CNTNAP5: variants seen among roughly 807,000 people sequenced by gnomAD.
CNTNAP5 encodes contactin associated protein family member 5, also known as contactin-associated protein-like 5.
In CNTNAP5, 72 loss-of-function variants were observed where a neutral mutation model predicts 150.2. The observed-to-expected ratio is 0.48, with a 90% CI of 0.40 to 0.58. CNTNAP5 has a LOEUF of 0.58. Ranked by LOEUF, CNTNAP5 falls within the 20% of genes least tolerant of loss-of-function variation. CNTNAP5 has a pLI of 0.00. For missense variants in CNTNAP5, 1,636 were observed against 1,626.2 expected (o/e 1.01, Z -0.10); for synonymous variants, 672 against 619.8 (o/e 1.08, Z -1.25).
At chr2:124,027,487 A>T (rs993712370) in intron 1 of CNTNAP5, among the ~76,000 whole-genome samples, 2 of 152,244 alleles carry the variant, frequency 1.3e-5, no homozygotes, top group Admixed American at 1.3e-4. Flanking sequence ...ATGGCTGTGG[A>T]CTTTCTAATG....
chr2:124,351,612 C>A (rs566626276), intron 3 of CNTNAP5, among the ~76,000 whole-genome samples: 9 of 151,980 alleles, frequency 5.9e-5, no homozygotes, highest in African/African-American at 1.9e-4. Context: ...ACAAAAGGAA[C>A]GAGGAAGCAG....
chr2:124,892,123 T>G (rs950707216), intron 21 of CNTNAP5, among the ~76,000 whole-genome samples: 2 of 152,164 alleles, frequency 1.3e-5, no homozygotes, highest in Non-Finnish European at 2.9e-5. Context: ...ATCAGACTTC[T>G]CATTAACCTC....
intron 1 of CNTNAP5, among the ~76,000 whole-genome samples, chr2:124,138,003 A>G (rs1238972959): frequency 6.6e-6 from 1 of 152,192 alleles, no homozygotes; most frequent in East Asian, 1.9e-4. Flanking sequence ...AGCAGGGAGC[A>G]TAATCTTACC....
chr2:124,747,413 T>C (rs768408861), intron 14 of CNTNAP5, 28 bp downstream of exon 14: 3 of 1,612,896 alleles, frequency 1.9e-6, no homozygotes, highest in East Asian at 2.2e-5. Context: ...CTTTCTGCAA[T>C]TGTAGAGAAA....
At chr2:124,911,018 T>G (rs72965810) in intron 22 of CNTNAP5, among the ~76,000 whole-genome samples, 2,686 of 152,004 alleles carry the variant, frequency 0.018, 90 homozygotes, top group African/African-American at 0.061. Flanking sequence ...TTCTCTCTCA[T>G]CAGTGAGGCC....
At chr2:124,847,495 C>T (rs1248096899) in intron 19 of CNTNAP5, among the ~76,000 whole-genome samples, 1 of 152,142 alleles carries the variant, frequency 6.6e-6, no homozygotes, top group Admixed American at 6.6e-5. Flanking sequence ...GAGTCTATAT[C>T]CAGGCAGCCA....
At chr2:124,397,359 G>A (rs981198674) in intron 3 of CNTNAP5, among the ~76,000 whole-genome samples, 12 of 152,130 alleles carry the variant, frequency 7.9e-5, no homozygotes, top group Admixed American at 7.9e-4. Context: ...TTTTCCTGGT[G>A]CGCAGGTGGC....
In CNTNAP5 at chr2:124,527,362, A is replaced by G; in HGVS notation, c.1555A>G (p.Ile519Val). 1 of 1,613,628 alleles carries G rather than the reference A, an allele frequency of 6.2e-7. No homozygotes were observed. The highest frequency in any genetic ancestry group is 8.5e-7 in the Non-Finnish European group (1 of 1,179,644). ...CCAAGGCTGCATGAGGCTCATCTTTATTGATAACCAGCCCAAGGACCTCAT... is the reference window on the plus strand; with the variant it reads ...CCAAGGCTGCATGAGGCTCATCTTTGTTGATAACCAGCCCAAGGACCTCAT... ...AFQGCMRLIF[I>V]DNQPKDLISV... The change falls in exon 10 of 24, where the codon ATT (isoleucine) becomes GTT (valine). Residue 519 changes from isoleucine to valine, a missense_variant. Transcript: ENST00000682447.
intron 1 of CNTNAP5, among the ~76,000 whole-genome samples, chr2:124,179,723 C>T (rs1685164613): frequency 6.6e-6 from 1 of 152,180 alleles, no homozygotes; most frequent in Non-Finnish European, 1.5e-5. Flanking sequence ...TATTCCAAAT[C>T]ACCAAAAGAC....
At chr2:124,758,286 TCA>T (rs1481223530) in intron 14 of CNTNAP5, among the ~76,000 whole-genome samples, 2 of 152,182 alleles carry the variant, frequency 1.3e-5, no homozygotes, top group Non-Finnish European at 2.9e-5. Context: ...GACAAGTCAT[TCA>T]CAGAGTTGAG....
intron 5 of CNTNAP5, among the ~76,000 whole-genome samples, chr2:124,442,205 ACTGATG>A (rs1692691964): frequency 6.6e-6 from 1 of 152,170 alleles, no homozygotes; most frequent in African/African-American, 2.4e-5. Flanking sequence ...AGGTAAAGTT[ACTGATG>A]CTAGCTCTGC....
intron 3 of CNTNAP5, among the ~76,000 whole-genome samples, chr2:124,275,018 G>A (rs1687852770): frequency 6.6e-6 from 1 of 152,306 alleles, no homozygotes; most frequent in African/African-American, 2.4e-5. Flanking sequence ...AAGGCAAGGA[G>A]GAGCAAGTCA....
intron 3 of CNTNAP5, among the ~76,000 whole-genome samples, chr2:124,382,937 G>T (rs1690835107): frequency 6.6e-6 from 1 of 152,036 alleles, no homozygotes; most frequent in African/African-American, 2.4e-5. Context: ...ACATTCCTCG[G>T]ATTCTGGCAT....
intron 3 of CNTNAP5, among the ~76,000 whole-genome samples, chr2:124,259,210 G>A (rs1289633177): frequency 2.0e-5 from 3 of 152,054 alleles, no homozygotes; most frequent in African/African-American, 7.2e-5. Context: ...CCGCTGCATA[G>A]TATTCCATGG....
chr2:124,329,812 C>G (rs1184519841), intron 3 of CNTNAP5, among the ~76,000 whole-genome samples: 1 of 152,074 alleles, frequency 6.6e-6, no homozygotes, highest in African/African-American at 2.4e-5. Flanking sequence ...TAGCAAGAGG[C>G]ATTTTTGTGG....
chr2:124,061,969 A>C, intron 1 of CNTNAP5, among the ~76,000 whole-genome samples: 1 of 152,104 alleles, frequency 6.6e-6, no homozygotes, highest in East Asian at 1.9e-4. Flanking sequence ...TGCCATCCAC[A>C]TCCATGCCTT....
chr2:124,527,264 T>G, intron 9 of CNTNAP5, 21 bp from the exon 10 acceptor site: 1 of 1,604,588 alleles, frequency 6.2e-7, no homozygotes, highest in East Asian at 2.2e-5. Context: ...TTCTTCTTCA[T>G]CTTTTTTCTC....
chr2:124,455,080 G>A lies in CNTNAP5; in HGVS notation c.918+8143G>A, dbSNP rs531631132. Among the ~76,000 whole-genome samples the A allele has an allele frequency of 1.1e-4, 17 of 151,328 alleles. No homozygotes were observed. In the East Asian group the frequency reaches 2.3e-3, roughly 21 times the overall value. On this transcript the variant is annotated intron_variant, in intron 6 of 23. Coordinates refer to ENST00000682447, the MANE Select transcript of CNTNAP5 (RefSeq NM_001367498.1). Reference sequence around the variant, plus strand: ...ATAAATGAAATTGAAACACACATACGAAAAATACAAAAGATAAATGAAACA... The same window carrying A: ...ATAAATGAAATTGAAACACACATACAAAAAATACAAAAGATAAATGAAACA...
At position 124,903,087 on chromosome 2, in the gene CNTNAP5, G is replaced by T. The variant is rs932717603; in HGVS notation, c.3642G>T (p.Val1214=). The T allele has an allele frequency of 6.4e-7, 1 of 1,572,318 alleles. No individual in the cohort carries two copies. The highest frequency in any genetic ancestry group is 1.3e-5 in the African/African-American group (1 of 74,148). The change falls in exon 22 of 24, where the codon GTG becomes GTT. Residue 1214 remains valine (V), a synonymous_variant. Coordinates refer to ENST00000682447, the MANE Select transcript of CNTNAP5 (RefSeq NM_001367498.1). The part of the protein sequence containing the change: ...VDSDVNAVTT[V]HSSSDPFGKT... ...CAGATGTGAATGCAGTGACCACGGT[G>T]CATTCTTCATCAGGTACACTCAAGA...
Sources: allele counts gnomAD v4.1 joint callset (sites outside exome capture counted in the v4.1 genomes callset), GRCh38; gene constraint gnomAD v4.1.1; transcripts MANE v1.5; gene names NCBI Gene and HGNC (gene_info 2026-07-23, HGNC 2026-07-21).